The following TWIST2 variants were observed in gnomAD, a reference collection of about 807,000 sequenced individuals.
TWIST2 encodes twist-related protein 2.
In TWIST2, 1 loss-of-function variant was observed where a neutral mutation model predicts 11.6. The ratio of observed to expected loss-of-function variants is 0.09; its 90% CI spans 0.03 to 0.41. TWIST2 has a LOEUF of 0.41. TWIST2 is among the 10% of genes least tolerant of loss of function. The pLI is 0.98. For missense variants in TWIST2, 168 were observed against 226.4 expected, an observed-to-expected ratio of 0.74 and a Z score of 1.66; for synonymous variants, 87 against 96.6, an observed-to-expected ratio of 0.90 and a Z score of 0.58.
At chr2:238,908,632 T>C in intron 1 of TWIST2, among the ~76,000 whole-genome samples, 1 of 152,198 alleles carries the variant, frequency 6.6e-6, no homozygotes, top group East Asian at 1.9e-4. Context: ...ATATACCATA[T>C]GGTATGTTGT....
chr2:238,879,519 T>C (rs1001669893), intron 1 of TWIST2, among the ~76,000 whole-genome samples: 5 of 152,172 alleles, frequency 3.3e-5, no homozygotes, highest in African/African-American at 1.2e-4. Flanking sequence ...TAGGGTCACT[T>C]GTGGAGTTTC....
intron 1 of TWIST2, among the ~76,000 whole-genome samples, chr2:238,870,167 CCA>C (rs1240758512): frequency 0.01 from 470 of 45,214 alleles, 1 homozygote; most frequent in South Asian, 0.02. Context: ...CCCACACACA[CCA>C]CACACCCCAC....
intron 1 of TWIST2, among the ~76,000 whole-genome samples, chr2:238,851,670 A>G (rs1692243909): frequency 6.6e-6 from 1 of 152,060 alleles, no homozygotes; most frequent in Non-Finnish European, 1.5e-5. Context: ...CTGAAAATTT[A>G]CTTCTCATAG....
At chr2:238,896,766 T>C (rs1693212753) in intron 1 of TWIST2, among the ~76,000 whole-genome samples, 1 of 152,152 alleles carries the variant, frequency 6.6e-6, no homozygotes, top group Non-Finnish European at 1.5e-5. Flanking sequence ...CACACACACA[T>C]GCTCTGGGAT....
intron 1 of TWIST2, among the ~76,000 whole-genome samples, chr2:238,896,261 G>T (rs1181552220): frequency 2.6e-5 from 4 of 152,198 alleles, no homozygotes; most frequent in Admixed American, 1.3e-4. Flanking sequence ...ATCCAAAAGC[G>T]TGCCTGCCGT....
chr2:238,860,267 G>A (rs985695104), intron 1 of TWIST2, among the ~76,000 whole-genome samples: 1 of 152,192 alleles, frequency 6.6e-6, no homozygotes, highest in Non-Finnish European at 1.5e-5. Flanking sequence ...CAGGAGGGTG[G>A]CACTAACTCG....
chr2:238,872,397 G>C (rs552072893), intron 1 of TWIST2, among the ~76,000 whole-genome samples: 1 of 152,320 alleles, frequency 6.6e-6, no homozygotes, highest in African/African-American at 2.4e-5. Context: ...CTTCCAGCAC[G>C]TTCTACTTGG....
chr2:238,910,212 A>AT lies in TWIST2; in HGVS notation c.*413dup, dbSNP rs1249319163. On this transcript the variant is annotated 3_prime_UTR_variant, in exon 2 of 2. Transcript: ENST00000612363. ...CCTCTAAGTGCCTTTTTTAATGTCTATTTTTTTAATAAAACAGAAATGCAT... is the reference window on the plus strand; with the variant it reads ...CCTCTAAGTGCCTTTTTTAATGTCTATTTTTTTTAATAAAACAGAAATGCAT... 2.3e-4 allele frequency: 35 copies of AT among 151,970 alleles called. No individual in the cohort carries two copies. The highest frequency in any genetic ancestry group is 8.0e-4 in the African/African-American group (33 of 41,428). 9.4% of individuals were successfully genotyped at this position (151,970 alleles called of 1,614,324 possible). A position where few individuals can be genotyped will look rare whatever the true frequency, so the allele number is the denominator to read the frequency against.
At chr2:238,853,922 C>T (rs1015813037) in intron 1 of TWIST2, among the ~76,000 whole-genome samples, 4 of 152,198 alleles carry the variant, frequency 2.6e-5, no homozygotes, top group Non-Finnish European at 4.4e-5. Flanking sequence ...AGCGCGGCTG[C>T]GTGAGCTGAG....
chr2:238,909,069 T>A, intron 1 of TWIST2, among the ~76,000 whole-genome samples: 1 of 151,872 alleles, frequency 6.6e-6, no homozygotes. Flanking sequence ...GGTGTGTATG[T>A]AGTGTGGGGT....
chr2:238,899,620 G>C (rs1461430394), intron 1 of TWIST2, among the ~76,000 whole-genome samples: 4 of 152,168 alleles, frequency 2.6e-5, no homozygotes, highest in African/African-American at 4.8e-5. Context: ...ACCCCTCTCT[G>C]TGCCCATCCC....
chr2:238,862,511 A>T (rs1692453059), intron 1 of TWIST2, among the ~76,000 whole-genome samples: 2 of 152,224 alleles, frequency 1.3e-5, no homozygotes, highest in Admixed American at 6.5e-5. Context: ...ACAGAAGGAT[A>T]TTATTTTTTA....
intron 1 of TWIST2, among the ~76,000 whole-genome samples, chr2:238,891,233 C>T (rs187902937): frequency 3.9e-5 from 6 of 152,206 alleles, no homozygotes; most frequent in Non-Finnish European, 5.9e-5. Context: ...CTTAGATCAG[C>T]GAGGCCACCT....
chr2:238,881,299 CTATT>C (rs1323228919), intron 1 of TWIST2, among the ~76,000 whole-genome samples: 3 of 142,754 alleles, frequency 2.1e-5, no homozygotes, highest in African/African-American at 7.8e-5. Context: ...ATGTTAGTAT[CTATT>C]AGTATTAGTG....
intron 1 of TWIST2, among the ~76,000 whole-genome samples, chr2:238,888,452 G>T (rs1197632077): frequency 6.6e-6 from 1 of 152,170 alleles, no homozygotes. Context: ...AACCTGGGAG[G>T]GAGGTGGATT....
chr2:238,900,818 G>A (rs1489791303), intron 1 of TWIST2, among the ~76,000 whole-genome samples: 7 of 152,112 alleles, frequency 4.6e-5, no homozygotes, highest in African/African-American at 1.7e-4. Flanking sequence ...AGATTTCTTC[G>A]TGATTCAGCT....
rs1189414225 is a variant in TWIST2, at chr2:238,871,166, CA to C, written c.*35+22434del. 4.0e-3 allele frequency among the ~76,000 whole-genome samples: 11 copies of C among 2,780 alleles called. No homozygotes were observed. The East Asian group carries it at 0.069, about 17-fold the overall frequency. The allele number at this position is 2,780 out of a possible 152,430, so 1.8% of individuals were successfully genotyped here. A position where few individuals can be genotyped will look rare whatever the true frequency, so the allele number is the denominator to read the frequency against. ...CACCCCACACACACCACACACCCCA[CA>C]CACACACCACACACCCCACACACAC... On this transcript the variant is annotated intron_variant, in intron 1 of 1. Transcript: ENST00000612363.
In TWIST2 at chr2:238,849,513, G is replaced by A. The variant is rs1211067171; in HGVS notation, c.*35+780G>A. The stretch of plus-strand genomic sequence containing the variant: ...CCGCAGGCAGGTGGAGCTGACCTAG[G>A]AACTGGGAGCCCTGAGTCCCAACCT... On this transcript the variant is annotated intron_variant, in intron 1 of 1. Transcript: ENST00000612363. Among the ~76,000 whole-genome samples, 4 of 152,200 alleles carry A rather than the reference G, an allele frequency of 2.6e-5. No homozygotes were observed. In the East Asian group the frequency reaches 7.7e-4, roughly 29 times the overall value.
chr2:238,897,261 G>A (rs1693217566), intron 1 of TWIST2, among the ~76,000 whole-genome samples: 1 of 152,142 alleles, frequency 6.6e-6, no homozygotes, highest in East Asian at 1.9e-4. Context: ...GTGGGACTAA[G>A]CGGGGATGGT....
Sources: allele counts gnomAD v4.1 joint callset (sites outside exome capture counted in the v4.1 genomes callset), GRCh38; gene constraint gnomAD v4.1.1; transcripts MANE v1.5; gene names NCBI Gene and HGNC (gene_info 2026-07-23, HGNC 2026-07-21).